The following NRG1 variants were observed in gnomAD, a reference collection of about 807,000 sequenced individuals.
NRG1 encodes the protein pro-neuregulin-1, membrane-bound isoform.
In NRG1, 18 loss-of-function variants were observed where a neutral mutation model predicts 63.8. That is an observed-to-expected ratio of 0.28 (90% CI 0.19 to 0.42). The LOEUF is 0.42. NRG1 is among the 10% of genes least tolerant of loss of function. The pLI is 1.00. For missense variants in NRG1, 762 were observed against 814.7 expected, an observed-to-expected ratio of 0.94 and a Z score of 0.79; for synonymous variants, 302 against 301.3, an observed-to-expected ratio of 1.00 and a Z score of -0.02.
In NRG1 at chr8:32,158,448, G is replaced by GATAGATATATATATAT. The variant is rs1491221971; in HGVS notation, c.38-437377_38-437376insGATATATATATATATA. Among the ~76,000 whole-genome samples, 29 of 62,182 alleles carry GATAGATATATATATAT rather than the reference G, an allele frequency of 4.7e-4. 1 individual carries two copies. Among genetic ancestry groups the GATAGATATATATATAT allele is most frequent in the South Asian group, 3.5e-3 (5 of 1,412 alleles). 40.8% of individuals were successfully genotyped at this position (62,182 alleles called of 152,430 possible). A position where few individuals can be genotyped will look rare whatever the true frequency, so the allele number is the denominator to read the frequency against. On this transcript the variant is annotated intron_variant, in intron 1 of 10. Transcript: ENST00000519301. ...TCGTTTCTCTTTGTTTGGTTTACAT[G>GATAGATATATATATAT]ATATATATATATATATATATATATC...
intron 1 of NRG1, among the ~76,000 whole-genome samples, chr8:31,743,067 A>G (rs1815462358): frequency 1.3e-5 from 2 of 152,008 alleles, no homozygotes; most frequent in Admixed American, 6.6e-5. Flanking sequence ...GTCCAGTCCC[A>G]TCACCGTTTT....
At chr8:32,760,615 A>C (rs1378072291) in intron 11 of NRG1, 2 of 1,371,688 alleles carry the variant, frequency 1.5e-6, no homozygotes, top group African/African-American at 2.9e-5. Flanking sequence ...AGTGACTGAC[A>C]GGCAACAGAC....
intron 1 of NRG1, 33 bp downstream of exon 1, chr8:32,548,859 C>A: frequency 6.5e-7 from 1 of 1,531,888 alleles, no homozygotes; most frequent in African/African-American, 1.4e-5. Flanking sequence ...GCCCCACGAT[C>A]CTCCTCCTGC....
rs1803578276 is a variant in NRG1 at position 31,640,004 on chromosome 8, C to T, written c.37+573C>T. On this transcript the variant is annotated intron_variant, in intron 1 of 10. Coordinates refer to the NRG1 transcript ENST00000519301. The surrounding 1 kb of genome is among the most constrained non-coding windows in gnomAD (Gnocchi z 6.3). ...CGCACCATGAGATGGCGACGCGCCCCGCGCCGCTCCGGGCGTCCCGGCCCC... is the reference window on the plus strand; with the variant it reads ...CGCACCATGAGATGGCGACGCGCCCTGCGCCGCTCCGGGCGTCCCGGCCCC... The T allele has an allele frequency of 4.5e-5, 51 of 1,125,862 alleles. No homozygotes were observed. Among genetic ancestry groups the T allele is most frequent in the Non-Finnish European group, 5.5e-5 (51 of 921,480 alleles). The allele number at this position is 1,125,862 out of a possible 1,614,324, so 69.7% of individuals were successfully genotyped here. A position where few individuals can be genotyped will look rare whatever the true frequency, so the allele number is the denominator to read the frequency against.
chr8:31,948,080 A>G (rs1478953256), intron 1 of NRG1, among the ~76,000 whole-genome samples: 1 of 152,048 alleles, frequency 6.6e-6, no homozygotes, highest in Non-Finnish European at 1.5e-5. Context: ...GTGTGTGCGC[A>G]TGCACATATA....
chr8:31,877,594 A>G lies in NRG1; in HGVS notation c.37+238163A>G, dbSNP rs189252858. ...GGACTTGTAAGAAAATCTTACTTCT[A>G]TAAAGTACTCTAGAGGCATATACTT... On this transcript the variant is annotated intron_variant, in intron 1 of 10. Transcript: ENST00000519301. Among the ~76,000 whole-genome samples, 42 of 152,266 alleles carry G rather than the reference A, an allele frequency of 2.8e-4. No homozygotes were observed. The South Asian group carries it at 5.6e-3, about 20-fold the overall frequency.
chr8:32,606,791 T>C (rs762059867), intron 3 of NRG1, among the ~76,000 whole-genome samples: 7 of 152,140 alleles, frequency 4.6e-5, no homozygotes, highest in African/African-American at 7.2e-5. Flanking sequence ...AGGCAAGCGC[T>C]CTTAAAGTGA....
chr8:32,478,053 G>A (rs1824749205), intron 1 of NRG1, among the ~76,000 whole-genome samples: 1 of 152,204 alleles, frequency 6.6e-6, no homozygotes. Context: ...TGGAACAATT[G>A]AGACATTGAA....
chr8:31,917,258 T>G (rs1833478766), intron 1 of NRG1, among the ~76,000 whole-genome samples: 1 of 144,574 alleles, frequency 6.9e-6, no homozygotes, highest in Non-Finnish European at 1.5e-5. Flanking sequence ...GCTTTTGGTG[T>G]TTTAGACATG....
chr8:31,728,097 C>T (rs1813632615), intron 1 of NRG1, among the ~76,000 whole-genome samples: 1 of 152,092 alleles, frequency 6.6e-6, no homozygotes, highest in Non-Finnish European at 1.5e-5. Flanking sequence ...CTGAAATTTT[C>T]CACATAATAG....
chr8:31,858,861 A>G (rs892136466), intron 1 of NRG1, among the ~76,000 whole-genome samples: 1 of 152,136 alleles, frequency 6.6e-6, no homozygotes, highest in African/African-American at 2.4e-5. Flanking sequence ...GTTTTGCCTC[A>G]TTTGCCATAT....
At chr8:32,386,989 A>G (rs976436969) in intron 1 of NRG1, among the ~76,000 whole-genome samples, 5 of 152,200 alleles carry the variant, frequency 3.3e-5, no homozygotes, top group African/African-American at 1.2e-4. Flanking sequence ...GCTAGTTCAA[A>G]ATGTCAGAGG....
At chr8:32,444,611 C>CCT (rs1820002928) in intron 1 of NRG1, among the ~76,000 whole-genome samples, 1 of 152,186 alleles carries the variant, frequency 6.6e-6, no homozygotes, top group South Asian at 2.1e-4. Context: ...AGGACTCAGG[C>CCT]ATTTCCCAAA....
chr8:32,416,889 T>C lies in NRG1; in HGVS notation c.38-178939T>C, dbSNP rs112852170. ...TTGGTAGAGACAGGGTTTTTCCATG[T>C]TGCCCAGGCTGGTCTTGAACTCCTG... On this transcript the variant is annotated intron_variant, in intron 1 of 10. Transcript: ENST00000519301. 2.0e-3 allele frequency among the ~76,000 whole-genome samples: 310 copies of C among 152,236 alleles called. 2 individuals carry two copies. Among genetic ancestry groups the C allele is most frequent in the African/African-American group, 7.0e-3 (289 of 41,562 alleles).
intron 1 of NRG1, among the ~76,000 whole-genome samples, chr8:31,699,520 T>A (rs2131179912): frequency 6.6e-6 from 1 of 152,304 alleles, no homozygotes; most frequent in African/African-American, 2.4e-5. Context: ...GATGAAGTAC[T>A]CCCAATACTC....
At chr8:32,083,362 G>C (rs552764409) in intron 1 of NRG1, among the ~76,000 whole-genome samples, 1 of 152,292 alleles carries the variant, frequency 6.6e-6, no homozygotes, top group South Asian at 2.1e-4. Context: ...CTCTACTTCG[G>C]TTACAAATTT....
chr8:31,639,552 GC>G, intron 1 of NRG1: 1 of 1,447,648 alleles, frequency 6.9e-7, no homozygotes, highest in Non-Finnish European at 9.2e-7. Context: ...CTTGCTCGCA[GC>G]CCCAGCAGCC....
At chr8:32,455,053 A>G (rs1473852139) in intron 1 of NRG1, among the ~76,000 whole-genome samples, 1 of 152,206 alleles carries the variant, frequency 6.6e-6, no homozygotes, top group African/African-American at 2.4e-5. Context: ...CAAGGTGTGT[A>G]GTAAGCTGTA....
intron 1 of NRG1, among the ~76,000 whole-genome samples, chr8:32,436,098 G>T (rs1038003583): frequency 6.6e-6 from 1 of 152,106 alleles, no homozygotes; most frequent in Non-Finnish European, 1.5e-5. Context: ...GAGGTTTAAT[G>T]AACTCACAGT....
Sources: gnomAD v4.1 joint callset for allele counts (sites outside exome capture counted in the v4.1 genomes callset) on GRCh38, gnomAD v4.1.1 for gene constraint, Gnocchi (gnomAD v3.1) non-coding constraint, MANE v1.5 for transcripts, NCBI Gene and HGNC (gene_info 2026-07-23, HGNC 2026-07-21) for gene names.